ALPK1: variants seen among roughly 807,000 people sequenced by gnomAD.
ALPK1 encodes the protein alpha-protein kinase 1.
A neutral mutation model predicts 120.6 loss-of-function variants in ALPK1; 110 were observed. That is an observed-to-expected ratio of 0.91 (90% CI 0.78 to 1.07). The LOEUF is 1.07. ALPK1 is among the 50% of genes least tolerant of loss of function. ALPK1 has a pLI of 0.00. For missense variants in ALPK1, 1,498 were observed against 1,483.9 expected (o/e 1.01, Z -0.16); for synonymous variants, 582 against 560.3 (o/e 1.04, Z -0.55).
At position 112,431,748 on chromosome 4, in the gene ALPK1, C is replaced by T. The variant is rs1734565815; in HGVS notation, c.2201C>T (p.Thr734Ile). The T allele has an allele frequency of 1.2e-6, 2 of 1,614,062 alleles. No homozygotes were observed. Among genetic ancestry groups the T allele is most frequent in the Admixed American group, 3.3e-5 (2 of 60,000 alleles). ...SDSGRPKNMG[T>I]HPSVQKEEAF... ...TCTGGTAGGCCCAAGAATATGGGCACACATCCTTCAGTCCAAAAAGAAGAA... is the reference window on the plus strand; with the variant it reads ...TCTGGTAGGCCCAAGAATATGGGCATACATCCTTCAGTCCAAAAAGAAGAA... Residue 734 changes from threonine (T) to isoleucine (I), a missense_variant, in exon 11 of 16, where the codon ACA becomes ATA. By Grantham distance (89) the Thr-to-Ile change is moderately conservative. Transcript: ENST00000650871.
chr4:112,309,661 C>T (rs1388039646), intron 1 of ALPK1, among the ~76,000 whole-genome samples: 2 of 152,094 alleles, frequency 1.3e-5, no homozygotes, highest in Non-Finnish European at 2.9e-5. Context: ...TCCTATTTGG[C>T]CACCTTCCAG....
At chr4:112,359,747 G>T in intron 2 of ALPK1, 1 of 367,618 alleles carries the variant, frequency 2.7e-6, no homozygotes. Context: ...GGGGCCTCTA[G>T]GACGTGCCCA....
chr4:112,414,277 C>G (rs752815104), intron 5 of ALPK1: 24 of 496,382 alleles, frequency 4.8e-5, no homozygotes, highest in South Asian at 3.1e-4. Context: ...TCCCATCCAG[C>G]CAAACACTCA....
At chr4:112,350,493 C>G (rs1730307434) in intron 2 of ALPK1, among the ~76,000 whole-genome samples, 2 of 152,214 alleles carry the variant, frequency 1.3e-5, no homozygotes, top group Admixed American at 6.5e-5. Context: ...TTGGTATAAA[C>G]AGCGCATTTC....
chr4:112,300,701 TAA>T (rs778101874), intron 1 of ALPK1, among the ~76,000 whole-genome samples: 6 of 134,014 alleles, frequency 4.5e-5, no homozygotes, highest in African/African-American at 2.7e-5. Context: ...GGCTTAAAGA[TAA>T]AAAAAAAAAA....
Position 112,431,084 on chromosome 4 carries a change from CAA to C in ALPK1, c.1539_1540del (p.Asp515HisfsTer10), listed in dbSNP as rs770085000. 1 of 1,614,142 alleles carries C rather than the reference CAA, an allele frequency of 6.2e-7. No individual in the cohort carries two copies. Among genetic ancestry groups the C allele is most frequent in the South Asian group, 1.1e-5 (1 of 91,066 alleles). ...TACTACTCAAGAAAAGCCACATTGT[CAA>C]AGAGACACAGGAATATCTTCCTCCC... ...VSTTQEKPHC[Q>X]RDTGISSSLM... On this transcript the variant is annotated frameshift_variant, in exon 11 of 16. Coordinates refer to ENST00000650871, the MANE Select transcript of ALPK1 (RefSeq NM_025144.4). LOFTEE classifies it high-confidence loss of function.
intron 2 of ALPK1, chr4:112,359,727 G>T: frequency 3.3e-6 from 1 of 301,462 alleles, no homozygotes; most frequent in South Asian, 3.1e-5. Context: ...CGGGCATGCA[G>T]TATCTGAGTG....
intron 1 of ALPK1, among the ~76,000 whole-genome samples, chr4:112,309,645 A>G (rs1728308113): frequency 6.6e-6 from 1 of 152,026 alleles, no homozygotes; most frequent in South Asian, 2.1e-4. Context: ...TGTAGACTGG[A>G]GCTGTTCCTA....
intron 1 of ALPK1, among the ~76,000 whole-genome samples, chr4:112,307,154 G>T (rs1483694219): frequency 1.3e-5 from 2 of 152,110 alleles, no homozygotes; most frequent in African/African-American, 4.8e-5. Context: ...ATTTGCTGAG[G>T]CTTGCTTTAC....
At chr4:112,343,751 C>G (rs1028768151) in intron 2 of ALPK1, among the ~76,000 whole-genome samples, 1 of 148,570 alleles carries the variant, frequency 6.7e-6, no homozygotes, top group Non-Finnish European at 1.5e-5. Context: ...CCTTTCCCCC[C>G]CTTCTCCCCC....
intron 5 of ALPK1, among the ~76,000 whole-genome samples, chr4:112,416,584 A>G (rs1213472160): frequency 1.4e-4 from 22 of 152,066 alleles, no homozygotes; most frequent in Admixed American, 1.4e-3. Flanking sequence ...TTGGGCAAAA[A>G]AGTTTTAGGC....
In ALPK1 at chr4:112,438,483, G is replaced by A. The variant is rs1426014885; in HGVS notation, c.3189-1G>A. 6 of 1,612,676 alleles carry A rather than the reference G, an allele frequency of 3.7e-6. No individual in the cohort carries two copies. The highest frequency in any genetic ancestry group is 3.4e-6 in the Non-Finnish European group (4 of 1,179,276). On this transcript the variant is annotated splice_acceptor_variant, in intron 12 of 15. Transcript: ENST00000650871. LOFTEE classifies it high-confidence loss of function. Reference sequence around the variant, plus strand: ...GTTGTGTGGATTTTCTTTGTTCATAGGTATGTTGGGAAAGACTATAAGGAG... The same window carrying A: ...GTTGTGTGGATTTTCTTTGTTCATAAGTATGTTGGGAAAGACTATAAGGAG...
At chr4:112,360,176 T>C (rs566785403) in intron 2 of ALPK1, among the ~76,000 whole-genome samples, 1 of 152,286 alleles carries the variant, frequency 6.6e-6, no homozygotes, top group African/African-American at 2.4e-5. Flanking sequence ...CATATGTTAT[T>C]TGTCTTTCTG....
intron 9 of ALPK1, chr4:112,427,869 A>G (rs74727833): frequency 0.02 from 8,303 of 424,478 alleles, 121 homozygotes; most frequent in Middle Eastern, 0.042. Context: ...TGTAACAGAC[A>G]CTCAGAGAGT....
At chr4:112,421,797 A>C (rs1734004656) in intron 5 of ALPK1, among the ~76,000 whole-genome samples, 1 of 152,152 alleles carries the variant, frequency 6.6e-6, no homozygotes, top group Non-Finnish European at 1.5e-5. Context: ...AACTAGCACA[A>C]ATCTCTTTTT....
At chr4:112,398,033 T>C (rs1043391982) in intron 4 of ALPK1, among the ~76,000 whole-genome samples, 1 of 152,072 alleles carries the variant, frequency 6.6e-6, no homozygotes, top group Non-Finnish European at 1.5e-5. Context: ...GATACTCTAA[T>C]ATGATTGTAG....
intron 11 of ALPK1, among the ~76,000 whole-genome samples, chr4:112,433,860 A>G (rs1005264345): frequency 1.6e-4 from 24 of 152,204 alleles, no homozygotes; most frequent in Admixed American, 4.6e-4. Context: ...AAAACTTCCA[A>G]TGCCTCACCC....
chr4:112,359,879 G>A (rs2148716343), intron 2 of ALPK1: 2 of 281,366 alleles, frequency 7.1e-6, no homozygotes, highest in South Asian at 3.3e-5. Context: ...GTCCAGCTCT[G>A]GTGGGCCAAG....
intron 2 of ALPK1, among the ~76,000 whole-genome samples, chr4:112,350,568 T>A (rs1730310651): frequency 6.6e-6 from 1 of 152,266 alleles, no homozygotes; most frequent in African/African-American, 2.4e-5. Flanking sequence ...CTTCTGAAGA[T>A]AAACTATTTC....
Sources: gnomAD v4.1 joint callset for allele counts (sites outside exome capture counted in the v4.1 genomes callset) on GRCh38, gnomAD v4.1.1 for gene constraint, MANE v1.5 for transcripts, NCBI Gene and HGNC (gene_info 2026-07-23, HGNC 2026-07-21) for gene names.